Variants in STMP1 observed in about 807,000 individuals in gnomAD.
STMP1 encodes short transmembrane mitochondrial protein 1, also known as mitolamban.
Under a neutral mutation model 7.0 loss-of-function variants are expected in STMP1, and 7 were observed. That is an observed-to-expected ratio of 1.01 (90% CI 0.57 to 1.89). STMP1 has a LOEUF of 1.89. Among genes scored for constraint, STMP1 ranks in the 40% most tolerant of loss-of-function variants. The pLI is 0.00. For missense variants in STMP1, 45 were observed against 53.0 expected, an observed-to-expected ratio of 0.85 and a Z score of 0.47; for synonymous variants, 19 against 18.4, an observed-to-expected ratio of 1.03 and a Z score of -0.08.
At chr7:135,672,830 C>T in intron 2 of STMP1, 24 bp downstream of exon 2, 2 of 1,539,648 alleles carry the variant, frequency 1.3e-6, no homozygotes, top group Non-Finnish European at 1.8e-6. Context: ...TCCATGACTT[C>T]CTTGATTCCA....
chr7:135,668,650 C>CA (rs1423711310), intron 1 of STMP1, among the ~76,000 whole-genome samples: 10 of 152,240 alleles, frequency 6.6e-5, no homozygotes, highest in African/African-American at 2.4e-4. Flanking sequence ...GCCATCCTCT[C>CA]ACCTTGTCTT....
chr7:135,675,354 C>T lies in STMP1; in HGVS notation c.*1189C>T, dbSNP rs1462034509. On this transcript the variant is annotated 3_prime_UTR_variant, in exon 3 of 3. Coordinates refer to ENST00000507606, the MANE Select transcript of STMP1 (RefSeq NM_001130929.2). ...TAGTAACTATACATGGAGGTCTAGC[C>T]CTCGCCTTTTTTTTTTCTTTTTTTC... is the stretch of plus-strand genomic sequence containing the variant. The T allele has an allele frequency of 6.6e-6, 1 of 151,974 alleles. No individual in the cohort carries two copies. The highest frequency in any genetic ancestry group is 1.5e-5 in the Non-Finnish European group (1 of 68,002). 9.4% of individuals were successfully genotyped at this position (151,974 alleles called of 1,614,324 possible). A position where few individuals can be genotyped will look rare whatever the true frequency, so the allele number is the denominator to read the frequency against.
At chr7:135,673,073 G>T in intron 2 of STMP1, 1 of 440,216 alleles carries the variant, frequency 2.3e-6, no homozygotes, top group Non-Finnish European at 4.0e-6. Context: ...TTAGCCGAGA[G>T]TAATATTAAG....
chr7:135,665,610 G>A (rs1344161168), intron 1 of STMP1: 7 of 147,618 alleles, frequency 4.7e-5, no homozygotes, highest in Non-Finnish European at 8.9e-5. Flanking sequence ...TTTAAATGCA[G>A]TGCTTCAGAA....
At position 135,662,522 on chromosome 7, in the gene STMP1, A is replaced by C; in HGVS notation, c.-58A>C. 8 of 1,526,382 alleles carry C rather than the reference A, an allele frequency of 5.2e-6. No individual in the cohort carries two copies. The South Asian group carries it at 9.7e-5, about 18-fold the overall frequency. The allele number at this position is 1,526,382 out of a possible 1,614,324, so 94.6% of individuals were successfully genotyped here. ...CCCGCGCATGGGGAGGTAGGCTCGG[A>C]CCGGCCCGCGGAGCTGCTGCAGTCC... is the stretch of plus-strand genomic sequence containing the variant. On this transcript the variant is annotated 5_prime_UTR_variant, in exon 1 of 3. Transcript: ENST00000507606.
rs1180337736 is a variant in STMP1 at position 135,672,607 on chromosome 7, ATGT to A, written c.16-142_16-140del. 6.7e-6 allele frequency: 4 copies of A among 593,254 alleles called. No homozygotes were observed. In the African/African-American group the frequency reaches 7.4e-5, roughly 11 times the overall value. 36.7% of individuals were successfully genotyped at this position (593,254 alleles called of 1,614,324 possible). A position where few individuals can be genotyped will look rare whatever the true frequency, so the allele number is the denominator to read the frequency against. The stretch of plus-strand genomic sequence containing the variant: ...TTTATAGAAGAAAAATGTGACTCTC[ATGT>A]TGTACACAGCCCTAGACTGGACATC... On this transcript the variant is annotated intron_variant, in intron 1 of 2. Coordinates refer to ENST00000507606, the MANE Select transcript of STMP1 (RefSeq NM_001130929.2).
chr7:135,666,090 A>C (rs1232011107), intron 1 of STMP1, among the ~76,000 whole-genome samples: 9 of 151,210 alleles, frequency 6.0e-5, no homozygotes, highest in Admixed American at 2.6e-4. Flanking sequence ...ATGCCACCAC[A>C]CCTGGCTAAT....
intron 1 of STMP1, among the ~76,000 whole-genome samples, chr7:135,664,822 A>G (rs1795275581): frequency 6.6e-6 from 1 of 152,122 alleles, no homozygotes. Flanking sequence ...AAGTTGAGCA[A>G]GTATTTCTCT....
rs1467109999 is a variant in STMP1 at position 135,674,150 on chromosome 7, A to G, written c.129A>G (p.Lys43=). 6.5e-7 allele frequency: 1 copy of G among 1,550,266 alleles called. No homozygotes were observed. The highest frequency in any genetic ancestry group is 2.0e-5 in the Admixed American group (1 of 50,872). ...AAAAGGACTTGGATGCCAAGAAGAA[A>G]CCCCCTAGTGCATGAGACTGCCTCC... The part of the protein sequence containing the change: ...EIKKDLDAKK[K]PPSA Residue 43 remains lysine (K), a synonymous_variant, in exon 3 of 3, where the codon AAA becomes AAG. Coordinates refer to ENST00000507606, the MANE Select transcript of STMP1 (RefSeq NM_001130929.2).
At chr7:135,670,815 C>G (rs2129493316) in intron 1 of STMP1, among the ~76,000 whole-genome samples, 1 of 152,280 alleles carries the variant, frequency 6.6e-6, no homozygotes, top group Non-Finnish European at 1.5e-5. Context: ...AACTAGGAAT[C>G]TTAGCATGTT....
At chr7:135,663,258 A>G (rs1355365011) in intron 1 of STMP1, among the ~76,000 whole-genome samples, 1 of 152,282 alleles carries the variant, frequency 6.6e-6, no homozygotes, top group Non-Finnish European at 1.5e-5. Flanking sequence ...TGAAGGTTCC[A>G]GGAGTTGCTC....
intron 1 of STMP1, among the ~76,000 whole-genome samples, chr7:135,671,055 T>C (rs1795351826): frequency 6.6e-6 from 1 of 152,192 alleles, no homozygotes; most frequent in Non-Finnish European, 1.5e-5. Flanking sequence ...AATTTAATAC[T>C]CCTTCTGGAT....
chr7:135,673,582 A>G (rs1018459909), intron 2 of STMP1, among the ~76,000 whole-genome samples: 1 of 152,222 alleles, frequency 6.6e-6, no homozygotes, highest in Non-Finnish European at 1.5e-5. Context: ...AGTGGGTTTC[A>G]GAGAAGGAGC....
In STMP1 at chr7:135,674,141, C is replaced by G. The variant is rs958708059; in HGVS notation, c.120C>G (p.Ala40=). The change falls in exon 3 of 3, where the codon GCC becomes GCG. Residue 40 remains alanine, a synonymous_variant. Coordinates refer to ENST00000507606, the MANE Select transcript of STMP1 (RefSeq NM_001130929.2). ...KLEEIKKDLD[A]KKKPPSA is the part of the protein sequence containing the mutation. ...AAGAAATTAAAAAGGACTTGGATGC[C>G]AAGAAGAAACCCCCTAGTGCATGAG... is the stretch of plus-strand genomic sequence containing the variant. The G allele has an allele frequency of 1.9e-6, 3 of 1,550,630 alleles. No homozygotes were observed. In the African/African-American group the frequency reaches 4.1e-5, roughly 21 times the overall value.
At chr7:135,668,979 C>G (rs1465051828) in intron 1 of STMP1, among the ~76,000 whole-genome samples, 2 of 152,232 alleles carry the variant, frequency 1.3e-5, no homozygotes, top group Admixed American at 6.5e-5. Context: ...ACTTACAGTT[C>G]CACATGGCTG....
chr7:135,672,926 TCCTG>T, intron 2 of STMP1, 120 bp downstream of exon 2: 1 of 764,818 alleles, frequency 1.3e-6, no homozygotes, highest in South Asian at 1.7e-5. Context: ...GAGGCAAAAC[TCCTG>T]AATATTGTAG....
At chr7:135,672,258 G>T (rs114153786) in intron 1 of STMP1, among the ~76,000 whole-genome samples, 3 of 152,190 alleles carry the variant, frequency 2.0e-5, no homozygotes, top group Admixed American at 2.0e-4. Flanking sequence ...GGATATAGGC[G>T]TGAGCCTCTG....
intron 1 of STMP1, among the ~76,000 whole-genome samples, chr7:135,672,007 T>C (rs1049818456): frequency 6.6e-6 from 1 of 152,134 alleles, no homozygotes; most frequent in Non-Finnish European, 1.5e-5. Flanking sequence ...TGAGACAGTG[T>C]CTTGCTCTGT....
rs1332834243 is a variant in STMP1, at chr7:135,674,498, A to G, written c.*333A>G. On this transcript the variant is annotated 3_prime_UTR_variant, in exon 3 of 3. Transcript: ENST00000507606. ...ATTTTTACTACCTTTTTTCAAAAGAAAAATTGATGAGTTTTGTATAGCTGG... is the reference window on the plus strand; with the variant it reads ...ATTTTTACTACCTTTTTTCAAAAGAGAAATTGATGAGTTTTGTATAGCTGG... 6 of 206,918 alleles carry G rather than the reference A, an allele frequency of 2.9e-5. No individual in the cohort carries two copies. The highest frequency in any genetic ancestry group is 9.2e-5 in the African/African-American group (4 of 43,408). The allele number at this position is 206,918 out of a possible 1,614,324, so 12.8% of individuals were successfully genotyped here.
Sources: allele counts gnomAD v4.1 joint callset (sites outside exome capture counted in the v4.1 genomes callset), GRCh38; gene constraint gnomAD v4.1.1; transcripts MANE v1.5; gene names NCBI Gene and HGNC (gene_info 2026-07-23, HGNC 2026-07-21).